The following CSMD1 variants were observed in gnomAD, a reference collection of about 807,000 sequenced individuals.
CSMD1 encodes the protein CUB and sushi domain-containing protein 1.
CSMD1 carries 213 observed loss-of-function variants against 417.5 expected under a neutral mutation model. That is an observed-to-expected ratio of 0.51 (90% CI 0.46 to 0.57). CSMD1 has a LOEUF of 0.57. CSMD1 is among the 20% of genes least tolerant of loss of function. The pLI is 0.00. For synonymous variants in CSMD1, 2,862 were observed against 1,736.8 expected (o/e 1.65, Z -16.11); for missense variants, 6,923 against 4,529.7 (o/e 1.53, Z -15.17).
Position 4,147,340 on chromosome 8 carries a change from G to A in CSMD1, c.416-115241C>T, listed in dbSNP as rs114495212. 8.9e-3 allele frequency among the ~76,000 whole-genome samples: 1,353 copies of A among 151,984 alleles called. 21 individuals carry two copies. Among genetic ancestry groups the A allele is most frequent in the African/African-American group, 0.031 (1,284 of 41,436 alleles). On this transcript the variant is annotated intron_variant, in intron 3 of 69. Transcript: ENST00000635120. The stretch of plus-strand genomic sequence containing the variant: ...TTCTGTATGCTCACCTGTCTATTGC[G>A]CCCCACCCTTCTTCCCTCAGTCCTC...
At position 4,888,353 on chromosome 8, in the gene CSMD1, C is replaced by T. The variant is rs555707135; in HGVS notation, c.85+105979G>A. 1.7e-3 allele frequency among the ~76,000 whole-genome samples: 253 copies of T among 152,082 alleles called. 2 individuals are homozygous for T. Among genetic ancestry groups the T allele is most frequent in the African/African-American group, 5.9e-3 (244 of 41,454 alleles). ...ATTAGTTATTGATTTATTATTTTTA[C>T]ATTTCCTTTTTTAAAAAATGAGGAG... On this transcript the variant is annotated intron_variant, in intron 1 of 69. Transcript: ENST00000635120.
chr8:4,898,016 C>G (rs1433251762), intron 1 of CSMD1, among the ~76,000 whole-genome samples: 2 of 151,984 alleles, frequency 1.3e-5, no homozygotes, highest in African/African-American at 4.8e-5. Context: ...GAAAAACAGA[C>G]TTCAGTTTAT....
chr8:3,327,538 T>G (rs1221970729), intron 23 of CSMD1, among the ~76,000 whole-genome samples: 1 of 152,218 alleles, frequency 6.6e-6, no homozygotes, highest in African/African-American at 2.4e-5. Context: ...TAATGTCTGT[T>G]AGAAATCAAC....
intron 5 of CSMD1, among the ~76,000 whole-genome samples, chr8:3,779,156 T>C (rs555980527): frequency 1.5e-4 from 21 of 143,768 alleles, no homozygotes; most frequent in Middle Eastern, 3.5e-3. Flanking sequence ...TACTTGTGTG[T>C]GTGTGTGTGT....
At chr8:4,761,190 G>A (rs192012741) in intron 1 of CSMD1, among the ~76,000 whole-genome samples, 1 of 152,250 alleles carries the variant, frequency 6.6e-6, no homozygotes, top group Admixed American at 6.5e-5. Flanking sequence ...GGGACTAGCT[G>A]AAGGTTGGTG....
intron 23 of CSMD1, among the ~76,000 whole-genome samples, chr8:3,310,169 T>G (rs960617270): frequency 6.6e-6 from 1 of 152,226 alleles, no homozygotes; most frequent in Non-Finnish European, 1.5e-5. Context: ...TTCAAATATT[T>G]GATGACCTTC....
At chr8:3,955,661 TAA>T (rs1462594614) in intron 5 of CSMD1, among the ~76,000 whole-genome samples, 7 of 152,136 alleles carry the variant, frequency 4.6e-5, no homozygotes, top group South Asian at 2.1e-4. Context: ...TCACCGATTC[TAA>T]AAGAGTGTCT....
At chr8:4,750,041 C>G (rs1196577870) in intron 1 of CSMD1, among the ~76,000 whole-genome samples, 1 of 151,346 alleles carries the variant, frequency 6.6e-6, no homozygotes, top group Non-Finnish European at 1.5e-5. Context: ...GAGTCTCGCT[C>G]TGTCGCCCAG....
intron 3 of CSMD1, among the ~76,000 whole-genome samples, chr8:4,347,053 C>T (rs1340687666): frequency 6.6e-6 from 1 of 152,092 alleles, no homozygotes; most frequent in Non-Finnish European, 1.5e-5. Context: ...TTATCTAGAC[C>T]AGAGACACCT....
intron 26 of CSMD1, among the ~76,000 whole-genome samples, chr8:3,274,385 T>C (rs1252048787): frequency 1.3e-5 from 2 of 152,188 alleles, no homozygotes; most frequent in Non-Finnish European, 2.9e-5. Flanking sequence ...GGTGTGGTGC[T>C]GAAAAAAATG....
rs142007486 is a variant in CSMD1 at position 4,581,362 on chromosome 8, C to A, written c.302+55980G>T. ...ACTTTAATTAAATCTTACTACCTCT[C>A]GATATACTGTACATTTTTAACTTAT... On this transcript the variant is annotated intron_variant, in intron 2 of 69. Coordinates refer to ENST00000635120, the MANE Select transcript of CSMD1 (RefSeq NM_033225.6). 5.7e-4 allele frequency among the ~76,000 whole-genome samples: 86 copies of A among 152,196 alleles called. 1 individual carries two copies. The East Asian group carries it at 0.011, about 19-fold the overall frequency.
At chr8:3,082,146 T>G (rs1254211020) in intron 49 of CSMD1, among the ~76,000 whole-genome samples, 1 of 152,206 alleles carries the variant, frequency 6.6e-6, no homozygotes, top group South Asian at 2.1e-4. Context: ...ACTGTATTTC[T>G]GGAAGTCTTC....
At chr8:4,350,299 C>G (rs1013234238) in intron 3 of CSMD1, among the ~76,000 whole-genome samples, 5 of 152,142 alleles carry the variant, frequency 3.3e-5, no homozygotes, top group Admixed American at 1.3e-4. Context: ...ACTGTGCTGT[C>G]TACTTGAGGT....
intron 2 of CSMD1, among the ~76,000 whole-genome samples, chr8:4,564,978 G>C (rs1388676514): frequency 6.6e-6 from 1 of 152,086 alleles, no homozygotes; most frequent in Non-Finnish European, 1.5e-5. Flanking sequence ...TGGGTGCCTT[G>C]GCATGGGGAA....
At chr8:4,156,485 C>G (rs1434467872) in intron 3 of CSMD1, among the ~76,000 whole-genome samples, 1 of 151,992 alleles carries the variant, frequency 6.6e-6, no homozygotes, top group Non-Finnish European at 1.5e-5. Flanking sequence ...TTTTTATGTC[C>G]AATTCTTTAT....
chr8:4,301,651 A>G (rs1797987494), intron 3 of CSMD1, among the ~76,000 whole-genome samples: 1 of 152,198 alleles, frequency 6.6e-6, no homozygotes, highest in South Asian at 2.1e-4. Context: ...TCTGCTGTTA[A>G]CTTTCAGGCC....
chr8:4,110,015 A>G (rs1451685378), intron 3 of CSMD1, among the ~76,000 whole-genome samples: 1 of 152,166 alleles, frequency 6.6e-6, no homozygotes, highest in South Asian at 2.1e-4. Flanking sequence ...GTTAACTAAA[A>G]TGATTAAGAT....
intron 12 of CSMD1, among the ~76,000 whole-genome samples, chr8:3,428,803 G>C (rs753331179): frequency 6.6e-6 from 1 of 152,130 alleles, no homozygotes; most frequent in Non-Finnish European, 1.5e-5. Flanking sequence ...GGAAAGAACC[G>C]AGGTGTCAAT....
At chr8:4,067,066 C>A (rs1484755751) in intron 3 of CSMD1, among the ~76,000 whole-genome samples, 10 of 152,226 alleles carry the variant, frequency 6.6e-5, no homozygotes. Flanking sequence ...ATGGCGAAGA[C>A]TGAAATTCAG....
Sources: gnomAD v4.1 joint callset for allele counts (sites outside exome capture counted in the v4.1 genomes callset) on GRCh38, gnomAD v4.1.1 for gene constraint, MANE v1.5 for transcripts, NCBI Gene and HGNC (gene_info 2026-07-23, HGNC 2026-07-21) for gene names.